Variants in ATRNL1 observed in about 807,000 individuals in gnomAD.
The protein encoded by ATRNL1 is attractin like 1, also known as attractin-like protein 1.
ATRNL1 carries 95 observed loss-of-function variants against 182.7 expected under a neutral mutation model. The ratio of observed to expected loss-of-function variants is 0.52; its 90% CI spans 0.44 to 0.62. The LOEUF (loss-of-function observed/expected upper bound fraction) is 0.62. Ranked by LOEUF, ATRNL1 falls within the 20% of genes least tolerant of loss-of-function variation. ATRNL1 has a pLI of 0.00. For missense variants in ATRNL1, 1,471 were observed against 1,679.5 expected (o/e 0.88, Z 2.17); for synonymous variants, 576 against 568.3 (o/e 1.01, Z -0.19).
chr10:115,713,716 C>CTA (rs1947156263), intron 26 of ATRNL1, among the ~76,000 whole-genome samples: 2 of 130,688 alleles, frequency 1.5e-5, no homozygotes, highest in Admixed American at 1.5e-4. Context: ...ATCTATCTAT[C>CTA]TATCTATCTA....
chr10:115,926,249 A>G (rs1555120084), intron 28 of ATRNL1, among the ~76,000 whole-genome samples: 1 of 152,200 alleles, frequency 6.6e-6, no homozygotes, highest in African/African-American at 2.4e-5. Context: ...TCTGAGACAC[A>G]GCTAAAGTGG....
At chr10:115,337,300 A>G (rs1264713365) in intron 19 of ATRNL1, among the ~76,000 whole-genome samples, 1 of 151,778 alleles carries the variant, frequency 6.6e-6, no homozygotes, top group Non-Finnish European at 1.5e-5. Context: ...GAATAGGGTA[A>G]CCTGCTCAAG....
chr10:115,714,073 C>A (rs966411048), intron 26 of ATRNL1, among the ~76,000 whole-genome samples: 33 of 151,718 alleles, frequency 2.2e-4, no homozygotes, highest in Non-Finnish European at 4.4e-5. Flanking sequence ...CATATTAAGG[C>A]CTTGGCCCTA....
intron 26 of ATRNL1, among the ~76,000 whole-genome samples, chr10:115,603,709 A>T (rs1856734199): frequency 6.6e-6 from 1 of 152,310 alleles, no homozygotes; most frequent in African/African-American, 2.4e-5. Flanking sequence ...GAGATGAAAA[A>T]GTTTTGATAT....
At chr10:115,699,140 G>A (rs904798365) in intron 26 of ATRNL1, among the ~76,000 whole-genome samples, 1 of 151,828 alleles carries the variant, frequency 6.6e-6, no homozygotes, top group Non-Finnish European at 1.5e-5. Context: ...CAAATGGAGA[G>A]GAATAGCTAC....
chr10:115,242,686 TCTGA>T (rs1850473295), intron 10 of ATRNL1, among the ~76,000 whole-genome samples: 3 of 152,024 alleles, frequency 2.0e-5, no homozygotes, highest in Non-Finnish European at 4.4e-5. Context: ...TAAAGAAAAC[TCTGA>T]CTATTAATAA....
chr10:115,778,719 G>T (rs1446159861), intron 27 of ATRNL1, among the ~76,000 whole-genome samples: 1 of 152,178 alleles, frequency 6.6e-6, no homozygotes, highest in Non-Finnish European at 1.5e-5. Context: ...AGACATTAAA[G>T]AATTATGACC....
chr10:115,798,208 C>T lies in ATRNL1; in HGVS notation c.3904-49669C>T, dbSNP rs573594243. Among the ~76,000 whole-genome samples the T allele has an allele frequency of 7.9e-5, 12 of 152,302 alleles. No individual in the cohort carries two copies. In the South Asian group the frequency reaches 1.2e-3, roughly 16 times the overall value. ...CTGGGATTACAGGCAGGAGCCACCG[C>T]GCCCAGCCTCTCAGAGACTTCTTTT... On this transcript the variant is annotated intron_variant, in intron 27 of 28. Transcript: ENST00000355044.
intron 5 of ATRNL1, among the ~76,000 whole-genome samples, chr10:115,157,513 C>T (rs186408139): frequency 8.2e-4 from 125 of 152,056 alleles, no homozygotes; most frequent in Middle Eastern, 3.4e-3. Flanking sequence ...ATAGATTGGG[C>T]TACAGACCTA....
chr10:115,177,960 A>G (rs1847596825), intron 8 of ATRNL1, among the ~76,000 whole-genome samples: 1 of 116,396 alleles, frequency 8.6e-6, no homozygotes, highest in Admixed American at 1.3e-4. Context: ...ACTCTGTTGC[A>G]GGGGCTGGAA....
At chr10:115,696,562 T>A (rs1219537199) in intron 26 of ATRNL1, among the ~76,000 whole-genome samples, 1 of 152,226 alleles carries the variant, frequency 6.6e-6, no homozygotes. Context: ...ATATTTTTGC[T>A]TTTGGGTCTT....
At chr10:115,594,155 A>G (rs1856086671) in intron 26 of ATRNL1, among the ~76,000 whole-genome samples, 1 of 152,108 alleles carries the variant, frequency 6.6e-6, no homozygotes, top group Non-Finnish European at 1.5e-5. Flanking sequence ...AAGAGGGAGA[A>G]ACACTTAGTT....
chr10:115,234,779 G>A (rs573574925), intron 9 of ATRNL1, among the ~76,000 whole-genome samples: 2 of 151,872 alleles, frequency 1.3e-5, no homozygotes, highest in Admixed American at 6.6e-5. Context: ...ATTAGGGACC[G>A]GGTTTTGCTA....
intron 19 of ATRNL1, among the ~76,000 whole-genome samples, chr10:115,356,550 T>C (rs1192829470): frequency 6.6e-6 from 1 of 152,040 alleles, no homozygotes; most frequent in African/African-American, 2.4e-5. Flanking sequence ...TATTTTAGCA[T>C]GCCTTCATTA....
intron 26 of ATRNL1, among the ~76,000 whole-genome samples, chr10:115,638,260 A>G (rs1859018456): frequency 6.6e-6 from 1 of 152,198 alleles, no homozygotes; most frequent in Non-Finnish European, 1.5e-5. Context: ...TCTTCAGTAC[A>G]GTAACATGCT....
At chr10:115,734,672 A>T (rs1947896948) in intron 27 of ATRNL1, among the ~76,000 whole-genome samples, 1 of 151,994 alleles carries the variant, frequency 6.6e-6, no homozygotes, top group African/African-American at 2.4e-5. Flanking sequence ...CCTGCTATAA[A>T]TGTTTTCTCT....
At chr10:115,634,771 A>G (rs1157647588) in intron 26 of ATRNL1, among the ~76,000 whole-genome samples, 1 of 152,134 alleles carries the variant, frequency 6.6e-6, no homozygotes, top group African/African-American at 2.4e-5. Context: ...ACTTCTAAAG[A>G]GGTTATAAGT....
At chr10:115,793,651 C>T (rs922587756) in intron 27 of ATRNL1, among the ~76,000 whole-genome samples, 21 of 152,060 alleles carry the variant, frequency 1.4e-4, no homozygotes, top group African/African-American at 5.1e-4. Context: ...AGCTGTAATA[C>T]CAATTAGTTG....
rs1576154 is a variant in ATRNL1, at chr10:115,598,983, T to C, written c.3795+49447T>C. On this transcript the variant is annotated intron_variant, in intron 26 of 28. Coordinates refer to ENST00000355044, the MANE Select transcript of ATRNL1 (RefSeq NM_207303.4). ...TAATTTCTTGAAGTTGGTTTAAATATTTTTTTACCCATGCAAGATTTGCTA... is the reference window on the plus strand; with the variant it reads ...TAATTTCTTGAAGTTGGTTTAAATACTTTTTTACCCATGCAAGATTTGCTA... 3.9e-3 allele frequency among the ~76,000 whole-genome samples: 599 copies of C among 152,140 alleles called. 7 individuals are homozygous for C. In the East Asian group the frequency reaches 0.055, roughly 14 times the overall value.
Sources: allele counts gnomAD v4.1 joint callset (sites outside exome capture counted in the v4.1 genomes callset), GRCh38; gene constraint gnomAD v4.1.1; transcripts MANE v1.5; gene names NCBI Gene and HGNC (gene_info 2026-07-23, HGNC 2026-07-21).